Variants in ATF6 observed in about 807,000 individuals in gnomAD.
ATF6 encodes cyclic AMP-dependent transcription factor ATF-6 alpha.
In ATF6, 53 loss-of-function variants were observed where a neutral mutation model predicts 83.6. The observed-to-expected ratio is 0.63, with a 90% CI of 0.51 to 0.80. The LOEUF is 0.80. Ranked by LOEUF, ATF6 falls within the 30% of genes least tolerant of loss-of-function variation. ATF6 has a pLI of 0.00. For missense variants in ATF6, 744 were observed against 797.9 expected, an observed-to-expected ratio of 0.93 and a Z score of 0.81; for synonymous variants, 288 against 285.8, an observed-to-expected ratio of 1.01 and a Z score of -0.08.
At chr1:161,842,602 A>C (rs1686383329) in intron 9 of ATF6, among the ~76,000 whole-genome samples, 1 of 152,208 alleles carries the variant, frequency 6.6e-6, no homozygotes, top group Non-Finnish European at 1.5e-5. Flanking sequence ...AAGTGAAGTA[A>C]CTCAGGAATG....
At chr1:161,926,368 C>T (rs562548629) in intron 15 of ATF6, among the ~76,000 whole-genome samples, 64 of 152,216 alleles carry the variant, frequency 4.2e-4, no homozygotes, top group African/African-American at 1.5e-3. Context: ...ATTCTGCTTC[C>T]GGATCTCTCT....
chr1:161,846,112 G>A (rs1468933167), intron 9 of ATF6, among the ~76,000 whole-genome samples: 3 of 151,984 alleles, frequency 2.0e-5, no homozygotes, highest in Non-Finnish European at 4.4e-5. Context: ...GTTATTATTG[G>A]AGTTTAAAAT....
At chr1:161,860,405 C>G (rs1467911415) in intron 13 of ATF6, 128 bp downstream of exon 13, 3 of 297,998 alleles carry the variant, frequency 1.0e-5, no homozygotes, top group African/African-American at 6.9e-5. Context: ...GTCATATACT[C>G]TAAGATATAT....
chr1:161,832,041 A>C (rs1182360965), intron 9 of ATF6, among the ~76,000 whole-genome samples: 1 of 152,116 alleles, frequency 6.6e-6, no homozygotes, highest in African/African-American at 2.4e-5. Context: ...TAAACACACC[A>C]GGAAACCATA....
chr1:161,840,396 A>C (rs563079027), intron 9 of ATF6: 2 of 152,358 alleles, frequency 1.3e-5, no homozygotes, highest in East Asian at 3.9e-4. Flanking sequence ...TCTCCAAGCC[A>C]CAGAGCAGCA....
chr1:161,884,509 C>G (rs565180494), intron 14 of ATF6, among the ~76,000 whole-genome samples: 4 of 151,986 alleles, frequency 2.6e-5, no homozygotes, highest in Admixed American at 2.6e-4. Context: ...AATTACCTTA[C>G]TTTTATAGTT....
intron 7 of ATF6, among the ~76,000 whole-genome samples, chr1:161,809,833 T>C (rs1190715099): frequency 2.6e-5 from 4 of 152,148 alleles, no homozygotes; most frequent in Non-Finnish European, 4.4e-5. Context: ...GCTGCATAAA[T>C]GTCTTCTTTT....
intron 7 of ATF6, among the ~76,000 whole-genome samples, chr1:161,808,734 T>A (rs1239324080): frequency 8.1e-6 from 1 of 122,916 alleles, no homozygotes; most frequent in Non-Finnish European, 1.8e-5. Context: ...TAAATTTTGA[T>A]TTTTTTTTTT....
chr1:161,801,805 A>G (rs1032862870), intron 6 of ATF6, among the ~76,000 whole-genome samples: 1 of 152,198 alleles, frequency 6.6e-6, no homozygotes, highest in Non-Finnish European at 1.5e-5. Context: ...AGAAAGATAA[A>G]TAAGAAAGTA....
At chr1:161,793,938 C>T (rs572440186) in intron 6 of ATF6, among the ~76,000 whole-genome samples, 22 of 151,556 alleles carry the variant, frequency 1.5e-4, no homozygotes, top group Admixed American at 4.6e-4. Flanking sequence ...GACAGAGTCT[C>T]GCTGTGTTGC....
At chr1:161,923,124 AAT>A (rs1471361542) in intron 15 of ATF6, among the ~76,000 whole-genome samples, 2 of 152,148 alleles carry the variant, frequency 1.3e-5, no homozygotes, top group Non-Finnish European at 2.9e-5. Context: ...TCCTAGAATA[AAT>A]AGTCTTTCCT....
intron 7 of ATF6, among the ~76,000 whole-genome samples, chr1:161,816,131 A>T (rs1358658651): frequency 6.6e-6 from 1 of 151,980 alleles, no homozygotes; most frequent in African/African-American, 2.4e-5. Flanking sequence ...ACTCAAAGGA[A>T]ACTATTTTGC....
intron 9 of ATF6, among the ~76,000 whole-genome samples, chr1:161,834,828 A>G (rs994143258): frequency 5.9e-5 from 9 of 152,176 alleles, no homozygotes; most frequent in African/African-American, 1.9e-4. Context: ...GAAATAGTGA[A>G]TGGGACGATG....
At chr1:161,884,682 C>G (rs990759245) in intron 14 of ATF6, among the ~76,000 whole-genome samples, 2 of 152,082 alleles carry the variant, frequency 1.3e-5, no homozygotes, top group African/African-American at 4.8e-5. Context: ...AGCAAACAAG[C>G]CCTTGCTTTT....
rs922222559 is a variant in ATF6, at chr1:161,959,542, C to T, written c.*888C>T. On this transcript the variant is annotated 3_prime_UTR_variant, in exon 16 of 16. Coordinates refer to ENST00000367942, the MANE Select transcript of ATF6 (RefSeq NM_007348.4). ...AAAATTAGCCGGGCGTAGTGACGGG[C>T]GCCTGTAGTCCCAGCTACTTGGGAG... The T allele has an allele frequency of 1.2e-4, 18 of 151,854 alleles. No individual in the cohort carries two copies. The highest frequency in any genetic ancestry group is 3.9e-4 in the East Asian group (2 of 5,176). The allele number at this position is 151,854 out of a possible 1,614,324, so 9.4% of individuals were successfully genotyped here. A position where few individuals can be genotyped will look rare whatever the true frequency, so the allele number is the denominator to read the frequency against.
chr1:161,891,356 G>A (rs1032085423), intron 14 of ATF6: 1 of 152,298 alleles, frequency 6.6e-6, no homozygotes, highest in Non-Finnish European at 1.5e-5. Context: ...TCCTGAAGGT[G>A]CAGGACGGCA....
chr1:161,802,122 G>T lies in ATF6; in HGVS notation c.759G>T (p.Gln253His). The change falls in exon 7 of 16, where the codon CAG becomes CAT. Residue 253 changes from glutamine (Q) to histidine (H), a missense_variant. Physicochemically the swap from Gln to His is conservative, Grantham distance 24. Coordinates refer to ENST00000367942, the MANE Select transcript of ATF6 (RefSeq NM_007348.4). ...CACCTGGAGTTCTGCCCTCTGCTCA[G>T]CCAGTCCTTGCTGTTGCTGGGGGAG... ...LQAPGVLPSAQPVLAVAGGVT... is the reference protein window; with the variant it reads ...LQAPGVLPSAHPVLAVAGGVT... The T allele has an allele frequency of 6.2e-7, 1 of 1,614,070 alleles. No homozygotes were observed. The highest frequency in any genetic ancestry group is 8.5e-7 in the Non-Finnish European group (1 of 1,179,994).
At chr1:161,858,010 C>T (rs1686800582) in intron 12 of ATF6, among the ~76,000 whole-genome samples, 1 of 152,102 alleles carries the variant, frequency 6.6e-6, no homozygotes, top group Admixed American at 6.6e-5. Context: ...GAGGCTGTGG[C>T]AGGAAGATTG....
At chr1:161,824,657 G>T (rs1685849124) in intron 9 of ATF6, among the ~76,000 whole-genome samples, 1 of 152,180 alleles carries the variant, frequency 6.6e-6, no homozygotes, top group Non-Finnish European at 1.5e-5. Context: ...ATGAATGAAT[G>T]TCTCCCTCAC....
Sources: gnomAD v4.1 joint callset for allele counts (sites outside exome capture counted in the v4.1 genomes callset) on GRCh38, gnomAD v4.1.1 for gene constraint, MANE v1.5 for transcripts, NCBI Gene and HGNC (gene_info 2026-07-23, HGNC 2026-07-21) for gene names.